The following FAM117B variants were observed in gnomAD, a reference collection of about 807,000 sequenced individuals.
The protein encoded by FAM117B is protein FAM117B.
Under a neutral mutation model 52.8 loss-of-function variants are expected in FAM117B, and 22 were observed. The ratio of observed to expected loss-of-function variants is 0.42; its 90% CI spans 0.30 to 0.59. FAM117B has a LOEUF of 0.59. Among genes scored for constraint, FAM117B ranks in the 20% least tolerant of loss-of-function variants. FAM117B has a pLI of 0.22. For missense variants in FAM117B, 678 were observed against 802.6 expected, an observed-to-expected ratio of 0.84 and a Z score of 1.88; for synonymous variants, 309 against 324.1, an observed-to-expected ratio of 0.95 and a Z score of 0.50.
At chr2:202,635,845 C>A in intron 1 of FAM117B, 57 bp downstream of exon 1, 1 of 1,347,988 alleles carries the variant, frequency 7.4e-7, no homozygotes, top group African/African-American at 1.5e-5. Context: ...GGGTCCCGGG[C>A]GCGCGCTGCA....
intron 1 of FAM117B, among the ~76,000 whole-genome samples, chr2:202,663,486 TTC>T (rs1690160738): frequency 6.6e-6 from 1 of 152,222 alleles, no homozygotes; most frequent in African/African-American, 2.4e-5. Context: ...TGTTATAATC[TTC>T]TCTGAAATAA....
At chr2:202,657,053 G>A (rs963193623) in intron 1 of FAM117B, among the ~76,000 whole-genome samples, 3 of 151,782 alleles carry the variant, frequency 2.0e-5, no homozygotes, top group Non-Finnish European at 2.9e-5. Context: ...TATAGACAGC[G>A]TATTGTTGGC....
At chr2:202,656,910 A>G (rs796952458) in intron 1 of FAM117B, among the ~76,000 whole-genome samples, 25 of 152,130 alleles carry the variant, frequency 1.6e-4, no homozygotes, top group African/African-American at 6.0e-4. Context: ...TGAATTGACC[A>G]TTTTACTGTA....
At chr2:202,731,371 A>G (rs1393649895) in intron 4 of FAM117B, among the ~76,000 whole-genome samples, 8 of 136,604 alleles carry the variant, frequency 5.9e-5, no homozygotes, top group Non-Finnish European at 9.7e-5. Flanking sequence ...ATATATATGG[A>G]GAGAGAGAGA....
intron 2 of FAM117B, among the ~76,000 whole-genome samples, chr2:202,704,166 C>T (rs1047084702): frequency 5.9e-5 from 9 of 152,076 alleles, no homozygotes; most frequent in African/African-American, 1.9e-4. Flanking sequence ...AATGGGAGAA[C>T]TATAGTACCA....
chr2:202,655,262 A>G (rs1386561282), intron 1 of FAM117B, among the ~76,000 whole-genome samples: 1 of 152,098 alleles, frequency 6.6e-6, no homozygotes, highest in East Asian at 1.9e-4. Flanking sequence ...CACTTTGTTT[A>G]TGCATTATTA....
chr2:202,757,249 C>A lies in FAM117B; in HGVS notation c.1141C>A (p.Pro381Thr). The change falls in exon 6 of 8, where the codon CCC (proline) becomes ACC (threonine). Residue 381 changes from proline (P) to threonine (T), a missense_variant. Transcript: ENST00000392238. ...TCCAGATGGCCATCGTGCTCCACCC[C>A]CCCTTGTACAGAGAAGTAGCAGCAC... The part of the protein sequence containing the change: ...DIPDGHRAPP[P>T]LVQRSSSTRS... The A allele has an allele frequency of 6.2e-7, 1 of 1,614,102 alleles. No homozygotes were observed. Among genetic ancestry groups the A allele is most frequent in the Non-Finnish European group, 8.5e-7 (1 of 1,180,020 alleles).
Position 202,647,842 on chromosome 2 carries a change from C to T in FAM117B, c.601+12054C>T, listed in dbSNP as rs1027201947. Among the ~76,000 whole-genome samples the T allele has an allele frequency of 2.6e-5, 4 of 151,530 alleles. No homozygotes were observed. In the South Asian group the frequency reaches 8.3e-4, roughly 32 times the overall value. On this transcript the variant is annotated intron_variant, in intron 1 of 7. Transcript: ENST00000392238. ...GTATTATTTAATAGGAAGTATCTGA[C>T]ATTTTTTTGATTGAGGCTGGCATGT...
At chr2:202,715,160 G>A (rs1209673051) in intron 2 of FAM117B, among the ~76,000 whole-genome samples, 15 of 149,928 alleles carry the variant, frequency 1.0e-4, no homozygotes, top group African/African-American at 3.7e-4. Flanking sequence ...CCGGGCAGGG[G>A]CTGACCCCCC....
chr2:202,742,470 T>G (rs1691557976), intron 4 of FAM117B, among the ~76,000 whole-genome samples: 2 of 152,174 alleles, frequency 1.3e-5, no homozygotes, highest in Non-Finnish European at 2.9e-5. Context: ...TTACTAGCAC[T>G]GGGACAAGTC....
At chr2:202,649,370 G>C (rs1467441080) in intron 1 of FAM117B, among the ~76,000 whole-genome samples, 1 of 152,072 alleles carries the variant, frequency 6.6e-6, no homozygotes, top group Non-Finnish European at 1.5e-5. Context: ...CTAGAGCACT[G>C]CTGTCTAGTA....
intron 4 of FAM117B, among the ~76,000 whole-genome samples, chr2:202,734,720 T>A (rs889016494): frequency 6.6e-6 from 1 of 152,212 alleles, no homozygotes; most frequent in Non-Finnish European, 1.5e-5. Context: ...TAAAACTCTT[T>A]ATGCAATTCT....
intron 1 of FAM117B, among the ~76,000 whole-genome samples, chr2:202,648,343 C>T (rs1689901242): frequency 6.6e-6 from 1 of 152,032 alleles, no homozygotes; most frequent in South Asian, 2.1e-4. Context: ...AACCCCGTCT[C>T]TACTAAAATA....
At chr2:202,721,500 C>T (rs772099583) in intron 2 of FAM117B, among the ~76,000 whole-genome samples, 1 of 152,126 alleles carries the variant, frequency 6.6e-6, no homozygotes, top group Non-Finnish European at 1.5e-5. Flanking sequence ...GTTACGACTA[C>T]TTGGCCTAAT....
chr2:202,699,730 A>T (rs1041869017), intron 2 of FAM117B, among the ~76,000 whole-genome samples: 1 of 152,212 alleles, frequency 6.6e-6, no homozygotes, highest in Admixed American at 6.5e-5. Context: ...TGGTTTGACC[A>T]TTTAAAAATA....
chr2:202,695,873 A>T lies in FAM117B; in HGVS notation c.602-8A>T. 6.4e-7 allele frequency: 1 copy of T among 1,569,816 alleles called. No homozygotes were observed. Among genetic ancestry groups the T allele is most frequent in the Admixed American group, 1.9e-5 (1 of 52,070 alleles). Reference sequence around the variant, plus strand: ...TTATTAAAACAAGCATTTTTGTCTTAAATCTAGGTGACAAAACACGACAGC... The same window carrying T: ...TTATTAAAACAAGCATTTTTGTCTTTAATCTAGGTGACAAAACACGACAGC... On this transcript the variant is annotated splice_polypyrimidine_tract_variant and splice_region_variant and intron_variant, in intron 1 of 7. Coordinates refer to ENST00000392238, the MANE Select transcript of FAM117B (RefSeq NM_173511.4).
At chr2:202,761,572 G>C (rs189460144) in intron 7 of FAM117B, among the ~76,000 whole-genome samples, 36 of 152,124 alleles carry the variant, frequency 2.4e-4, no homozygotes, top group African/African-American at 8.4e-4. Context: ...TGTCACCCAG[G>C]CTGGAGTGCA....
intron 4 of FAM117B, among the ~76,000 whole-genome samples, chr2:202,734,965 G>A (rs918790466): frequency 6.6e-6 from 1 of 152,056 alleles, no homozygotes; most frequent in African/African-American, 2.4e-5. Context: ...AAAGAGAGCT[G>A]TATTTCTGTA....
chr2:202,681,415 A>G (rs866076995), intron 1 of FAM117B, among the ~76,000 whole-genome samples: 1 of 152,220 alleles, frequency 6.6e-6, no homozygotes. Flanking sequence ...CCAAGACATT[A>G]AATATGAAGA....
Sources: gnomAD v4.1 joint callset for allele counts (sites outside exome capture counted in the v4.1 genomes callset) on GRCh38, gnomAD v4.1.1 for gene constraint, MANE v1.5 for transcripts, NCBI Gene and HGNC (gene_info 2026-07-23, HGNC 2026-07-21) for gene names.